Variants in SLC9A7 observed in about 807,000 individuals in gnomAD.
The protein encoded by SLC9A7 is solute carrier family 9 member A7.
Under a neutral mutation model 52.6 loss-of-function variants are expected in SLC9A7, and 19 were observed. That is an observed-to-expected ratio of 0.36 (90% CI 0.25 to 0.53). SLC9A7 has a LOEUF of 0.53. Among genes scored for constraint, SLC9A7 ranks in the 20% least tolerant of loss-of-function variants. The pLI, the probability that SLC9A7 is intolerant of heterozygous loss-of-function variation, is 0.91. For missense variants in SLC9A7, 455 were observed against 597.9 expected, an observed-to-expected ratio of 0.76 and a Z score of 2.49; for synonymous variants, 226 against 252.1, an observed-to-expected ratio of 0.90 and a Z score of 0.98.
intron 15 of SLC9A7, among the ~76,000 whole-genome samples, chrX:46,620,533 C>G (rs1943028754): frequency 8.9e-6 from 1 of 112,181 alleles, no homozygotes; most frequent in Non-Finnish European, 1.9e-5. Flanking sequence ...AGGGTTTGCC[C>G]TGCATGTGGC....
At position 46,605,448 on chromosome X, in the gene SLC9A7, C is replaced by T. The variant is rs1243625792; in HGVS notation, c.*1504G>A. ...ACATGTTAAGCTGGTGCAGCAGCCTCCCCAGATACAAGGAAAATGACCCTT... is the reference window on the plus strand; with the variant it reads ...ACATGTTAAGCTGGTGCAGCAGCCTTCCCAGATACAAGGAAAATGACCCTT... On this transcript the variant is annotated 3_prime_UTR_variant, in exon 17 of 17. Transcript: ENST00000616978. The T allele has an allele frequency of 2.7e-5, 3 of 111,158 alleles. No individual in the cohort carries two copies. The East Asian group carries it at 8.4e-4, about 31-fold the overall frequency. 9.2% of individuals were successfully genotyped at this position (111,158 alleles called of 1,213,427 possible). A position where few individuals can be genotyped will look rare whatever the true frequency, so the allele number is the denominator to read the frequency against.
At chrX:46,692,509 T>C (rs1271160068) in intron 1 of SLC9A7, among the ~76,000 whole-genome samples, 1 of 111,170 alleles carries the variant, frequency 9.0e-6, no homozygotes, top group Admixed American at 9.6e-5. Flanking sequence ...AAAATGCCAA[T>C]GTTGGAAGGG....
intron 2 of SLC9A7, among the ~76,000 whole-genome samples, chrX:46,680,265 C>T (rs184108015): frequency 3.4e-3 from 370 of 108,465 alleles, no homozygotes; most frequent in African/African-American, 0.012. Context: ...AGGAGAATCG[C>T]TTGAACCCAG....
intron 1 of SLC9A7, among the ~76,000 whole-genome samples, chrX:46,713,837 C>T (rs1195453554): frequency 9.2e-6 from 1 of 109,124 alleles, no homozygotes; most frequent in Non-Finnish European, 1.9e-5. Flanking sequence ...GGTTTCAAAA[C>T]GTTTTGGAGA....
intron 1 of SLC9A7, among the ~76,000 whole-genome samples, chrX:46,695,588 C>T (rs1430017211): frequency 8.9e-6 from 1 of 111,841 alleles, no homozygotes; most frequent in Non-Finnish European, 1.9e-5. Context: ...TCCCTGACTC[C>T]CTAAGCTAGG....
intron 5 of SLC9A7, among the ~76,000 whole-genome samples, chrX:46,665,702 T>C (rs1358153771): frequency 7.2e-5 from 8 of 111,133 alleles, no homozygotes; most frequent in Non-Finnish European, 5.7e-5. Flanking sequence ...CAATTTTAAT[T>C]CATCACCTTT....
At chrX:46,646,962 G>A (rs1187463150) in intron 11 of SLC9A7, 1 of 321,357 alleles carries the variant, frequency 3.1e-6, no homozygotes, top group Non-Finnish European at 6.0e-6. Flanking sequence ...AGGGATGATC[G>A]GGCTCTATGA....
At chrX:46,713,552 G>T (rs749019658) in intron 1 of SLC9A7, among the ~76,000 whole-genome samples, 1 of 109,399 alleles carries the variant, frequency 9.1e-6, no homozygotes, top group African/African-American at 3.3e-5. Flanking sequence ...AATGCACAAG[G>T]CTTCTCCAGG....
intron 1 of SLC9A7, among the ~76,000 whole-genome samples, chrX:46,724,267 T>C (rs1569523748): frequency 8.9e-6 from 1 of 111,885 alleles, no homozygotes; most frequent in African/African-American, 3.2e-5. Context: ...CTATGAGATA[T>C]AAGCATGATT....
intron 1 of SLC9A7, among the ~76,000 whole-genome samples, chrX:46,733,719 G>A (rs987031922): frequency 1.8e-4 from 20 of 110,230 alleles, no homozygotes; most frequent in African/African-American, 5.6e-4. Flanking sequence ...AATCCCTAGA[G>A]CAACCACTAT....
intron 1 of SLC9A7, among the ~76,000 whole-genome samples, chrX:46,689,827 G>A (rs747970550): frequency 9.1e-6 from 1 of 109,418 alleles, no homozygotes; most frequent in African/African-American, 3.3e-5. Context: ...CTGTCCATGT[G>A]TTCTCATTGT....
chrX:46,755,816 C>T (rs1244880888), intron 1 of SLC9A7, among the ~76,000 whole-genome samples: 4 of 71,097 alleles, frequency 5.6e-5, no homozygotes, highest in Admixed American at 1.6e-4. Flanking sequence ...AGTGAGACTC[C>T]GTCTTGGAAA....
chrX:46,753,224 A>G (rs919555163), intron 1 of SLC9A7, among the ~76,000 whole-genome samples: 9 of 111,805 alleles, frequency 8.0e-5, no homozygotes, highest in Middle Eastern at 4.6e-3. Context: ...GTAATGTGTC[A>G]GTATTAAAGA....
chrX:46,651,518 G>T, intron 8 of SLC9A7, 114 bp from the exon 9 acceptor site: 1 of 566,701 alleles, frequency 1.8e-6, no homozygotes, highest in Non-Finnish European at 2.8e-6. Context: ...CCAACTTCCT[G>T]AATATTTTTG....
rs148021691 is a variant in SLC9A7, at chrX:46,662,510, C to G, written c.899+28G>C. Reference sequence around the variant, plus strand: ...AAGCATAGAGGAAACTGGGGTGTCTCTTCTCCAGCAGAAACACTGCTACTT... The same window carrying G: ...AAGCATAGAGGAAACTGGGGTGTCTGTTCTCCAGCAGAAACACTGCTACTT... On this transcript the variant is annotated intron_variant, in intron 6 of 16. Transcript: ENST00000616978. The G allele has an allele frequency of 1.8e-4, 200 of 1,114,372 alleles. No individual in the cohort carries two copies. In the East Asian group the frequency reaches 4.6e-3, roughly 26 times the overall value. 91.8% of individuals were successfully genotyped at this position (1,114,372 alleles called of 1,213,427 possible).
intron 1 of SLC9A7, among the ~76,000 whole-genome samples, chrX:46,749,620 C>A (rs909832393): frequency 2.8e-4 from 31 of 111,969 alleles, no homozygotes; most frequent in African/African-American, 9.7e-4. Context: ...TGGAATAACA[C>A]CTGGAGTGTG....
intron 6 of SLC9A7, 40 bp from the exon 7 acceptor site, chrX:46,662,197 C>A (rs773657275): frequency 8.7e-7 from 1 of 1,146,799 alleles, no homozygotes; most frequent in South Asian, 2.0e-5. Flanking sequence ...AAAGACTGCA[C>A]AGGTTTTACA....
chrX:46,618,141 C>T (rs148288216), intron 15 of SLC9A7, among the ~76,000 whole-genome samples: 3 of 111,265 alleles, frequency 2.7e-5, no homozygotes, highest in African/African-American at 9.8e-5. Flanking sequence ...CAGAGCAGAG[C>T]ATTTGGCAGA....
chrX:46,640,030 T>C (rs1265361711), intron 12 of SLC9A7, among the ~76,000 whole-genome samples: 1 of 112,259 alleles, frequency 8.9e-6, no homozygotes, highest in African/African-American at 3.2e-5. Context: ...AAAATTAATG[T>C]AAAGGTTTAA....
Sources: allele counts gnomAD v4.1 joint callset (sites outside exome capture counted in the v4.1 genomes callset), GRCh38; gene constraint gnomAD v4.1.1; transcripts MANE v1.5; gene names NCBI Gene and HGNC (gene_info 2026-07-23, HGNC 2026-07-21).